The following CRYBG1 variants were observed in gnomAD, a reference collection of about 807,000 sequenced individuals.
CRYBG1 encodes beta/gamma crystallin domain-containing protein 1.
Under a neutral mutation model 189.2 loss-of-function variants are expected in CRYBG1, and 139 were observed. The ratio of observed to expected loss-of-function variants is 0.73; its 90% CI spans 0.64 to 0.85. The LOEUF (loss-of-function observed/expected upper bound fraction) is 0.85. Ranked by LOEUF, CRYBG1 falls within the 40% of genes least tolerant of loss-of-function variation. CRYBG1 has a pLI of 0.00. For synonymous variants in CRYBG1, 1,023 were observed against 1,017.1 expected, an observed-to-expected ratio of 1.01 and a Z score of -0.11; for missense variants, 2,611 against 2,675.8, an observed-to-expected ratio of 0.98 and a Z score of 0.53.
At chr6:106,441,123 G>A (rs1771558067) in intron 1 of CRYBG1, among the ~76,000 whole-genome samples, 1 of 152,108 alleles carries the variant, frequency 6.6e-6, no homozygotes, top group Non-Finnish European at 1.5e-5. Context: ...AGAGGCAAAA[G>A]CATTAATAGA....
chr6:106,426,415 G>GA (rs910813138), intron 1 of CRYBG1, among the ~76,000 whole-genome samples: 1 of 152,068 alleles, frequency 6.6e-6, no homozygotes, highest in Admixed American at 6.5e-5. Context: ...TCTTTACAGA[G>GA]AAAAAACCCA....
At chr6:106,561,819 A>G (rs1774727936) in intron 20 of CRYBG1, among the ~76,000 whole-genome samples, 1 of 152,214 alleles carries the variant, frequency 6.6e-6, no homozygotes, top group Non-Finnish European at 1.5e-5. Context: ...AACAAACTAT[A>G]AGCTCCAGCC....
intron 19 of CRYBG1, among the ~76,000 whole-genome samples, 155 bp from the exon 20 acceptor site, chr6:106,561,187 C>G (rs1276232038): frequency 1.3e-5 from 2 of 151,308 alleles, no homozygotes; most frequent in Admixed American, 6.6e-5. Flanking sequence ...TTGTCAAACT[C>G]TTCTCATTGA....
At chr6:106,462,198 T>C (rs1772021438) in intron 2 of CRYBG1, among the ~76,000 whole-genome samples, 1 of 152,144 alleles carries the variant, frequency 6.6e-6, no homozygotes, top group African/African-American at 2.4e-5. Flanking sequence ...TGAGACGGAG[T>C]CTCGCTCTGT....
At chr6:106,510,356 C>A (rs547738177) in intron 2 of CRYBG1, among the ~76,000 whole-genome samples, 34 of 152,350 alleles carry the variant, frequency 2.2e-4, no homozygotes, top group African/African-American at 7.9e-4. Context: ...TCTGGCAAAC[C>A]CCGGAGCGCC....
intron 1 of CRYBG1, among the ~76,000 whole-genome samples, chr6:106,384,941 A>G (rs897825854): frequency 3.6e-4 from 49 of 134,468 alleles, no homozygotes; most frequent in African/African-American, 1.2e-3. Flanking sequence ...AGAAATCCCA[A>G]TGTTCACTCA....
At chr6:106,423,090 T>C (rs984765452) in intron 1 of CRYBG1, among the ~76,000 whole-genome samples, 5 of 152,204 alleles carry the variant, frequency 3.3e-5, no homozygotes, top group Non-Finnish European at 5.9e-5. Context: ...CTTGGTGTTA[T>C]GGAAAGAATC....
intron 2 of CRYBG1, among the ~76,000 whole-genome samples, chr6:106,464,169 C>T (rs959375054): frequency 7.9e-5 from 12 of 152,154 alleles, no homozygotes; most frequent in East Asian, 1.9e-4. Context: ...TCTAATCGAA[C>T]GCTCTTCTTG....
chr6:106,433,736 C>CATATATATGTATATATATATGTGTATAT (rs1186699730), intron 1 of CRYBG1, among the ~76,000 whole-genome samples: 2 of 27,648 alleles, frequency 7.2e-5, no homozygotes, highest in Non-Finnish European at 9.2e-5. Flanking sequence ...TATATATATA[C>CATATATATGTATATATATATGTGTATAT]ATATATATGT....
At position 106,512,977 on chromosome 6, in the gene CRYBG1, C is replaced by G; in HGVS notation, c.1860C>G (p.Asp620Glu). ...GAGCGCCTGGAGCTTCTGACGCCGA[C>G]GGCTTGAAGCCCAGGAACCATTTCG... is the stretch of plus-strand genomic sequence containing the variant. The part of the protein sequence containing the change: ...AAGAPGASDA[D>E]GLKPRNHFGV... The change falls in exon 3 of 22, where the codon GAC (aspartate) becomes GAG (glutamate). Residue 620 changes from aspartate (D) to glutamate (E), a missense_variant. Around this residue, in one of 3 missense-constraint regions of CRYBG1, gnomAD observed 985 missense variants for 924.4 expected, o/e 1.07. Coordinates refer to ENST00000633556, the MANE Select transcript of CRYBG1 (RefSeq NM_001371242.2). 6.2e-7 allele frequency: 1 copy of G among 1,610,938 alleles called. No homozygotes were observed. Among genetic ancestry groups the G allele is most frequent in the East Asian group, 2.2e-5 (1 of 44,866 alleles).
At chr6:106,526,913 C>T (rs986948133) in intron 6 of CRYBG1, among the ~76,000 whole-genome samples, 4 of 141,492 alleles carry the variant, frequency 2.8e-5, no homozygotes, top group Admixed American at 7.6e-5. Context: ...TGCACTCTAG[C>T]CTGGGCAACA....
At chr6:106,361,974 T>TCTTTCTTTCTTTCTTTCTTTC (rs1771880937) in intron 1 of CRYBG1, among the ~76,000 whole-genome samples, 1 of 128,132 alleles carries the variant, frequency 7.8e-6, no homozygotes, top group African/African-American at 3.3e-5. Flanking sequence ...TCTTTCTTTT[T>TCTTTCTTTCTTTCTTTCTTTC]TTTTTTTTTT....
chr6:106,546,853 CT>C (rs1774274649), intron 13 of CRYBG1, among the ~76,000 whole-genome samples: 1 of 152,200 alleles, frequency 6.6e-6, no homozygotes, highest in Non-Finnish European at 1.5e-5. Flanking sequence ...CATTTTGATA[CT>C]CACCAGTTGT....
chr6:106,466,032 T>A (rs1407703303), intron 2 of CRYBG1, among the ~76,000 whole-genome samples: 1 of 152,254 alleles, frequency 6.6e-6, no homozygotes, highest in Non-Finnish European at 1.5e-5. Context: ...ATATTCAAGT[T>A]GAAATTACTG....
chr6:106,541,434 G>A (rs920158916), intron 9 of CRYBG1, 152 bp from the exon 10 acceptor site: 2 of 762,584 alleles, frequency 2.6e-6, no homozygotes, highest in African/African-American at 3.4e-5. Flanking sequence ...CATCTGTATT[G>A]TTGGTAATTT....
chr6:106,520,779 C>A lies in CRYBG1; in HGVS notation c.3571C>A (p.Arg1191Ser). The A allele has an allele frequency of 6.2e-7, 1 of 1,614,166 alleles. No homozygotes were observed. The highest frequency in any genetic ancestry group is 8.5e-7 in the Non-Finnish European group (1 of 1,180,040). ...LDTKSKLRPK[R>S]ASAEQSVLFK... The stretch of plus-strand genomic sequence containing the variant: ...CACAAAATCCAAACTGAGACCCAAA[C>A]GTGCATCTGCTGAACAGAGCGTCCT... The change falls in exon 4 of 22, where the codon CGT (arginine) becomes AGT (serine). Residue 1191 changes from arginine to serine, a missense_variant. By Grantham distance (110) the Arg-to-Ser change is moderately radical. Coordinates refer to ENST00000633556, the MANE Select transcript of CRYBG1 (RefSeq NM_001371242.2).
intron 1 of CRYBG1, among the ~76,000 whole-genome samples, chr6:106,374,083 A>C (rs1288123187): frequency 6.6e-6 from 1 of 152,216 alleles, no homozygotes; most frequent in Non-Finnish European, 1.5e-5. Context: ...TTAAACAAAC[A>C]TTTATAGACA....
At chr6:106,415,796 G>A (rs1771010954) in intron 1 of CRYBG1, among the ~76,000 whole-genome samples, 1 of 152,092 alleles carries the variant, frequency 6.6e-6, no homozygotes, top group South Asian at 2.1e-4. Context: ...ACATATGACA[G>A]GCATTCAAAT....
At chr6:106,456,926 A>T (rs1399982072) in intron 2 of CRYBG1, among the ~76,000 whole-genome samples, 1 of 152,088 alleles carries the variant, frequency 6.6e-6, no homozygotes, top group African/African-American at 2.4e-5. Flanking sequence ...CAATACATCA[A>T]CATTATCACT....
Sources: allele counts gnomAD v4.1 joint callset (sites outside exome capture counted in the v4.1 genomes callset), GRCh38; gene constraint gnomAD v4.1.1; regional missense constraint gnomAD v4.1.1; transcripts MANE v1.5; gene names NCBI Gene and HGNC (gene_info 2026-07-23, HGNC 2026-07-21).